Variants in PRDX1 observed in about 807,000 individuals in gnomAD.
PRDX1 encodes peroxiredoxin-1.
In PRDX1, 19 loss-of-function variants were observed where a neutral mutation model predicts 20.7. That is an observed-to-expected ratio of 0.92 (90% CI 0.64 to 1.35). The LOEUF (loss-of-function observed/expected upper bound fraction) is 1.35, where lower values mean the gene tolerates loss of function less well. Among genes scored for constraint, PRDX1 ranks in the 40% most tolerant of loss-of-function variants. PRDX1 has a pLI of 0.00. For synonymous variants in PRDX1, 89 were observed against 83.9 expected, an observed-to-expected ratio of 1.06 and a Z score of -0.33; for missense variants, 226 against 240.0, an observed-to-expected ratio of 0.94 and a Z score of 0.38.
rs773207065 is a variant in PRDX1 at position 45,514,935 on chromosome 1, G to A, written c.321C>T (p.Asp107=). 1 of 1,614,194 alleles carries A rather than the reference G, an allele frequency of 6.2e-7. No homozygotes were observed. Among genetic ancestry groups the A allele is most frequent in the Non-Finnish European group, 8.5e-7 (1 of 1,180,028 alleles). ...AATCCTGAGCAATGGTGCGCTTCGG[G>A]TCTGATACCAAAGGAATGTTCATGG... ...LGPMNIPLVS[D]PKRTIAQDYG... is the part of the protein sequence containing the mutation. Residue 107 remains aspartate, a synonymous_variant, in exon 4 of 6, where the codon GAC becomes GAT. Transcript: ENST00000319248.
At chr1:45,516,705 T>C (rs1643864652) in intron 2 of PRDX1, among the ~76,000 whole-genome samples, 1 of 152,018 alleles carries the variant, frequency 6.6e-6, no homozygotes. Flanking sequence ...GCAGCAATGT[T>C]TGAAAAGTCA....
In PRDX1 at chr1:45,511,313, TA is replaced by T; in HGVS notation, c.*15del. The stretch of plus-strand genomic sequence containing the variant: ...ATGGCTGCCCACCGCAGCCTGGCAC[TA>T]AAACAGCCCAGCGCTCACTTCTGCT... On this transcript the variant is annotated 3_prime_UTR_variant, in exon 6 of 6. Transcript: ENST00000319248. 1.3e-6 allele frequency: 2 copies of T among 1,595,074 alleles called. No individual in the cohort carries two copies. The highest frequency in any genetic ancestry group is 2.3e-5 in the East Asian group (1 of 44,300).
chr1:45,517,488 T>C lies in PRDX1; in HGVS notation c.106+1450A>G, dbSNP rs146850715. Among the ~76,000 whole-genome samples the C allele has an allele frequency of 1.2e-3, 184 of 152,154 alleles. 2 individuals carry two copies. The highest frequency in any genetic ancestry group is 4.1e-3 in the African/African-American group (172 of 41,512). The stretch of plus-strand genomic sequence containing the variant: ...AACTTGCCAAGTGTCTGCATGAAAC[T>C]ATGACAACAGAGGCCGGGCGCAGTG... On this transcript the variant is annotated intron_variant, in intron 2 of 5. Coordinates refer to ENST00000319248, the MANE Select transcript of PRDX1 (RefSeq NM_181697.3).
chr1:45,514,528 A>C lies in PRDX1; in HGVS notation c.493T>G (p.Phe165Val). The C allele has an allele frequency of 6.2e-7, 1 of 1,614,162 alleles. No individual in the cohort carries two copies. Among genetic ancestry groups the C allele is most frequent in the Non-Finnish European group, 8.5e-7 (1 of 1,180,016 alleles). ...ETLRLVQAFQ[F>V]TDKHGEVCPA... ...TTACCTTCCCCATGTTTGTCAGTGA[A>C]CTGGAAGGCCTGAACTAGTCTCAAA... The change falls in exon 5 of 6, where the codon TTC (phenylalanine) becomes GTC (valine). Residue 165 changes from phenylalanine (F) to valine (V), a missense_variant. Transcript: ENST00000319248.
Position 45,514,549 on chromosome 1 carries a change from T to G in PRDX1, c.472A>C (p.Arg158=), listed in dbSNP as rs771757511. The G allele has an allele frequency of 6.2e-7, 1 of 1,614,028 alleles. No homozygotes were observed. Among genetic ancestry groups the G allele is most frequent in the Non-Finnish European group, 8.5e-7 (1 of 1,179,950 alleles). The part of the protein sequence containing the change: ...PVGRSVDETL[R]LVQAFQFTDK... ...GTGAACTGGAAGGCCTGAACTAGTC[T>G]CAAAGTCTCATCCACAGAGCGGCCA... The change falls in exon 5 of 6, where the codon AGA becomes CGA. Residue 158 remains arginine, a synonymous_variant. Transcript: ENST00000319248.
At chr1:45,521,274 C>A (rs1643910603) in intron 1 of PRDX1, among the ~76,000 whole-genome samples, 1 of 152,190 alleles carries the variant, frequency 6.6e-6, no homozygotes, top group Non-Finnish European at 1.5e-5. Flanking sequence ...TGCCCCCTGT[C>A]CCTCCCCAGC....
rs2149327631 is a variant in PRDX1, at chr1:45,515,004, A to G, written c.261-9T>C. ...TCTTAGGTGTATTGACCCTATGGCA[A>G]AAGGCAAACATACAGTTACATTCAA... On this transcript the variant is annotated splice_polypyrimidine_tract_variant and intron_variant, in intron 3 of 5. Transcript: ENST00000319248. The G allele has an allele frequency of 6.2e-7, 1 of 1,613,830 alleles. No homozygotes were observed. The highest frequency in any genetic ancestry group is 8.5e-7 in the Non-Finnish European group (1 of 1,179,896).
At chr1:45,515,622 A>AAAAAAAAAAAAAAAATT in intron 3 of PRDX1, 32 bp downstream of exon 3, 1 of 1,339,166 alleles carries the variant, frequency 7.5e-7, no homozygotes, top group Non-Finnish European at 1.0e-6. Flanking sequence ...AAAAAAAAAA[A>AAAAAAAAAAAAAAAATT]GTTCACATGC....
intron 1 of PRDX1, among the ~76,000 whole-genome samples, chr1:45,519,322 A>C (rs906978830): frequency 1.3e-5 from 2 of 152,214 alleles, no homozygotes; most frequent in African/African-American, 4.8e-5. Flanking sequence ...TACTGAGATA[A>C]CCTCTCATTC....
intron 1 of PRDX1, among the ~76,000 whole-genome samples, chr1:45,520,033 C>T (rs981693411): frequency 2.0e-5 from 3 of 151,910 alleles, no homozygotes; most frequent in African/African-American, 7.3e-5. Flanking sequence ...GGTGAAACCC[C>T]GTCTCTACTA....
intron 2 of PRDX1, among the ~76,000 whole-genome samples, chr1:45,517,050 A>C (rs35537214): frequency 0.014 from 2,057 of 150,700 alleles, 25 homozygotes; most frequent in Non-Finnish European, 0.022. Context: ...CCAAACAAGC[A>C]GCCCTTTTTG....
chr1:45,514,211 A>G (rs1265757598), intron 5 of PRDX1, among the ~76,000 whole-genome samples: 2 of 152,106 alleles, frequency 1.3e-5, no homozygotes, highest in Non-Finnish European at 2.9e-5. Context: ...ACCTTTGTTC[A>G]CGTGTTTATC....
chr1:45,518,099 G>A (rs115947879), intron 2 of PRDX1, among the ~76,000 whole-genome samples: 1 of 152,214 alleles, frequency 6.6e-6, no homozygotes, highest in African/African-American at 2.4e-5. Flanking sequence ...GAAAGGCTAG[G>A]GCAGGCAGAG....
Position 45,518,951 on chromosome 1 carries a change from C to T in PRDX1, c.93G>A (p.Leu31=), listed in dbSNP as rs149009651. The T allele has an allele frequency of 6.2e-7, 1 of 1,601,212 alleles. No individual in the cohort carries two copies. Among genetic ancestry groups the T allele is most frequent in the Admixed American group, 1.7e-5 (1 of 58,140 alleles). ...TAATTCTCTCACCTTTGTAGTCAGA[C>T]AGGCTGATATCTTTAAACTGACCAT... ...MPDGQFKDIS[L]SDYKGKYVVF... is the part of the protein sequence containing the mutation. Residue 31 remains leucine (L), a synonymous_variant, in exon 2 of 6, where the codon CTG becomes CTA. Coordinates refer to ENST00000319248, the MANE Select transcript of PRDX1 (RefSeq NM_181697.3).
In PRDX1 at chr1:45,511,412, A is replaced by C. The variant is rs1643741390; in HGVS notation, c.517T>G (p.Cys173Gly). Residue 173 changes from cysteine (C) to glycine (G), a missense_variant and splice_region_variant, in exon 6 of 6, where the codon TGC (cysteine) becomes GGC (glycine). By Grantham distance (159) the Cys-to-Gly change is radical. Coordinates refer to ENST00000319248, the MANE Select transcript of PRDX1 (RefSeq NM_181697.3). ...FQFTDKHGEV[C>G]PAGWKPGSDT... ...CTGCCAGGTTTCCAGCCAGCTGGGCACACTGCAAGAGAAAGGCACCACTAA... is the reference window on the plus strand; with the variant it reads ...CTGCCAGGTTTCCAGCCAGCTGGGCCCACTGCAAGAGAAAGGCACCACTAA... The C allele has an allele frequency of 6.2e-7, 1 of 1,612,728 alleles. No individual in the cohort carries two copies. Among genetic ancestry groups the C allele is most frequent in the Non-Finnish European group, 8.5e-7 (1 of 1,179,320 alleles).
At chr1:45,519,840 G>A (rs913445371) in intron 1 of PRDX1, among the ~76,000 whole-genome samples, 1 of 152,084 alleles carries the variant, frequency 6.6e-6, no homozygotes, top group Non-Finnish European at 1.5e-5. Flanking sequence ...TCAGATGATT[G>A]CCCAACTCAG....
rs1643878102 is a variant in PRDX1, at chr1:45,518,245, C to T, written c.106+693G>A. ...TGGGACGCCGAGGTGGGCGGATCAT[C>T]TGAGGTCAGGAGTTCGAGACCAGCC... is the stretch of plus-strand genomic sequence containing the variant. On this transcript the variant is annotated intron_variant, in intron 2 of 5. Coordinates refer to ENST00000319248, the MANE Select transcript of PRDX1 (RefSeq NM_181697.3). Among the ~76,000 whole-genome samples, 2 of 151,722 alleles carry T rather than the reference C, an allele frequency of 1.3e-5. 1 individual carries two copies. The highest frequency in any genetic ancestry group is 4.2e-4 in the South Asian group (2 of 4,798).
chr1:45,513,580 T>C (rs937962493), intron 5 of PRDX1, among the ~76,000 whole-genome samples: 9 of 152,186 alleles, frequency 5.9e-5, no homozygotes, highest in African/African-American at 9.7e-5. Flanking sequence ...AGACTCCATT[T>C]TGTTCTGTAC....
chr1:45,513,059 C>G (rs1009455959), intron 5 of PRDX1: 1 of 152,134 alleles, frequency 6.6e-6, no homozygotes, highest in African/African-American at 2.4e-5. Flanking sequence ...GGCGCAATGG[C>G]TCAGGGGAGG....
Sources: allele counts gnomAD v4.1 joint callset (sites outside exome capture counted in the v4.1 genomes callset), GRCh38; gene constraint gnomAD v4.1.1; transcripts MANE v1.5; gene names NCBI Gene and HGNC (gene_info 2026-07-23, HGNC 2026-07-21).